The following MTMR14 variants were observed in gnomAD, a reference collection of about 807,000 sequenced individuals.
MTMR14 encodes phosphatidylinositol-3,5-bisphosphate 3-phosphatase MTMR14.
In MTMR14, 48 loss-of-function variants were observed where a neutral mutation model predicts 86.3. The ratio of observed to expected loss-of-function variants is 0.56; its 90% CI spans 0.44 to 0.71. MTMR14 has a LOEUF of 0.71. Ranked by LOEUF, MTMR14 falls within the 30% of genes least tolerant of loss-of-function variation. MTMR14 has a pLI of 0.00. For missense variants in MTMR14, 780 were observed against 834.6 expected (o/e 0.93, Z 0.81); for synonymous variants, 366 against 326.1 (o/e 1.12, Z -1.32).
chr3:9,682,768 T>A (rs1475752545), intron 9 of MTMR14, among the ~76,000 whole-genome samples: 2 of 152,262 alleles, frequency 1.3e-5, no homozygotes. Context: ...TGTGGCCATT[T>A]GGAGACATTG....
chr3:9,653,003 G>A lies in MTMR14; in HGVS notation c.160-618G>A, dbSNP rs142593628. ...TGTAATCCCAGCACTTGGGGAGGCC[G>A]AGGTGGGCGGGTCACCTGAGGTCAG... is the stretch of plus-strand genomic sequence containing the variant. On this transcript the variant is annotated intron_variant, in intron 1 of 18. Transcript: ENST00000296003. Among the ~76,000 whole-genome samples, 863 of 152,268 alleles carry A rather than the reference G, an allele frequency of 5.7e-3. 8 individuals are homozygous for A. Among genetic ancestry groups the A allele is most frequent in the African/African-American group, 0.019 (776 of 41,534 alleles).
At chr3:9,662,126 T>C in intron 2 of MTMR14, 141 bp from the exon 3 acceptor site, 2 of 690,652 alleles carry the variant, frequency 2.9e-6, no homozygotes. Context: ...TGATAGATGA[T>C]ATAAAATTTA....
rs1349159012 is a variant in MTMR14, at chr3:9,649,518, G to T, written c.-66G>T. Reference sequence around the variant, plus strand: ...AGGCGGTTCCGGAGGTTCTAGTGTCGGAGTTGGGTGCAGGCAGGTGCCATG... The same window carrying T: ...AGGCGGTTCCGGAGGTTCTAGTGTCTGAGTTGGGTGCAGGCAGGTGCCATG... On this transcript the variant is annotated 5_prime_UTR_variant, in exon 1 of 19. Coordinates refer to ENST00000296003, the MANE Select transcript of MTMR14 (RefSeq NM_001077525.3). The T allele has an allele frequency of 6.7e-7, 1 of 1,487,084 alleles. No individual in the cohort carries two copies. The highest frequency in any genetic ancestry group is 2.4e-5 in the Admixed American group (1 of 42,060). 92.1% of individuals were successfully genotyped at this position (1,487,084 alleles called of 1,614,324 possible).
intron 5 of MTMR14, 83 bp from the exon 6 acceptor site, chr3:9,670,965 A>G (rs755860940): frequency 1.3e-5 from 20 of 1,574,616 alleles, no homozygotes; most frequent in Non-Finnish European, 1.6e-5. Context: ...AGTGACATCC[A>G]TACTTCCCTG....
intron 7 of MTMR14, chr3:9,675,635 C>T (rs73811561): frequency 0.014 from 6,266 of 457,386 alleles, 228 homozygotes; most frequent in African/African-American, 0.089. Context: ...TTTGGTCCCT[C>T]TCCTCTTGCC....
chr3:9,702,038 C>T lies in MTMR14; in HGVS notation c.*65C>T, dbSNP rs2076476855. On this transcript the variant is annotated 3_prime_UTR_variant, in exon 19 of 19. Coordinates refer to ENST00000296003, the MANE Select transcript of MTMR14 (RefSeq NM_001077525.3). ...TGAGCCCTTAGCAGAGAATCAAAGCCATGCCTGGCCGAAGGGGTACTTCCA... is the reference window on the plus strand; with the variant it reads ...TGAGCCCTTAGCAGAGAATCAAAGCTATGCCTGGCCGAAGGGGTACTTCCA... 3.1e-6 allele frequency: 5 copies of T among 1,601,902 alleles called. No homozygotes were observed. The highest frequency in any genetic ancestry group is 2.2e-5 in the South Asian group (2 of 90,632).
intron 2 of MTMR14, among the ~76,000 whole-genome samples, chr3:9,654,431 C>T (rs2047479873): frequency 6.6e-6 from 1 of 152,152 alleles, no homozygotes; most frequent in East Asian, 1.9e-4. Flanking sequence ...ACCTGAGTAC[C>T]TTATGTGGGT....
At position 9,652,958 on chromosome 3, in the gene MTMR14, C is replaced by T. The variant is rs747020580; in HGVS notation, c.160-663C>T. ...CTGTGTCTTTTAAAAAAATAAAGGC[C>T]GGGTGCCGTGGCTCACGCCTGTAAT... On this transcript the variant is annotated intron_variant, in intron 1 of 18. Transcript: ENST00000296003. Among the ~76,000 whole-genome samples the T allele has an allele frequency of 9.7e-4, 147 of 151,882 alleles. 1 individual carries two copies. The highest frequency in any genetic ancestry group is 4.3e-4 in the Non-Finnish European group (29 of 67,964).
In MTMR14 at chr3:9,696,227, C is replaced by G. The variant is rs145202976; in HGVS notation, c.1614-1484C>G. Among the ~76,000 whole-genome samples the G allele has an allele frequency of 7.8e-3, 1,182 of 152,318 alleles. 16 individuals are homozygous for G. The highest frequency in any genetic ancestry group is 0.026 in the African/African-American group (1,095 of 41,568). On this transcript the variant is annotated intron_variant, in intron 17 of 18. Coordinates refer to ENST00000296003, the MANE Select transcript of MTMR14 (RefSeq NM_001077525.3). ...AAAAATCTCTTCTCAGCCGGGCGCACTGGCTCACGCCTGTAATCCCAGCAC... is the reference window on the plus strand; with the variant it reads ...AAAAATCTCTTCTCAGCCGGGCGCAGTGGCTCACGCCTGTAATCCCAGCAC...
intron 7 of MTMR14, among the ~76,000 whole-genome samples, chr3:9,674,168 G>A (rs546577711): frequency 2.0e-5 from 3 of 152,280 alleles, no homozygotes; most frequent in Admixed American, 6.5e-5. Context: ...GCATCACTTC[G>A]TTTAAATTTA....
chr3:9,670,428 G>A (rs1343039646), intron 5 of MTMR14, among the ~76,000 whole-genome samples: 1 of 152,202 alleles, frequency 6.6e-6, no homozygotes, highest in Non-Finnish European at 1.5e-5. Flanking sequence ...AAAAGTAATG[G>A]CGACTGTTTA....
At chr3:9,696,035 T>C (rs1415974784) in intron 17 of MTMR14, among the ~76,000 whole-genome samples, 3 of 152,232 alleles carry the variant, frequency 2.0e-5, no homozygotes, top group Non-Finnish European at 2.9e-5. Context: ...TCATCCCTAA[T>C]GCTGCCATCA....
chr3:9,677,212 G>A lies in MTMR14; in HGVS notation c.752-105G>A. 2.1e-6 allele frequency: 2 copies of A among 968,542 alleles called. No individual in the cohort carries two copies. Among genetic ancestry groups the A allele is most frequent in the Non-Finnish European group, 3.3e-6 (2 of 613,916 alleles). 60.0% of individuals were successfully genotyped at this position (968,542 alleles called of 1,614,324 possible). A position where few individuals can be genotyped will look rare whatever the true frequency, so the allele number is the denominator to read the frequency against. On this transcript the variant is annotated intron_variant, in intron 7 of 18. Coordinates refer to ENST00000296003, the MANE Select transcript of MTMR14 (RefSeq NM_001077525.3). This position sits in a 1 kb window ranked among gnomAD's most constrained non-coding sequence, Gnocchi z 4.2. ...CACTAGCTTGGAGAAGTGTGAGTTG[G>A]CGGCCCCCTCTCCACAGCACTCAGG...
At chr3:9,671,479 A>G (rs2048563701) in intron 6 of MTMR14, among the ~76,000 whole-genome samples, 1 of 151,830 alleles carries the variant, frequency 6.6e-6, no homozygotes, top group Non-Finnish European at 1.5e-5. Context: ...TTCCAGCTCC[A>G]TGTTCTATGC....
chr3:9,669,159 T>C (rs1574982244), intron 4 of MTMR14, among the ~76,000 whole-genome samples: 2 of 148,168 alleles, frequency 1.3e-5, no homozygotes, highest in South Asian at 4.3e-4. Context: ...AAAAAAAGAA[T>C]AGCCACCCAT....
chr3:9,692,083 A>G (rs2076154909), intron 17 of MTMR14, among the ~76,000 whole-genome samples: 1 of 152,168 alleles, frequency 6.6e-6, no homozygotes, highest in South Asian at 2.1e-4. Context: ...TGCCTAAGGG[A>G]TCCTGTCATT....
intron 15 of MTMR14, 26 bp downstream of exon 15, chr3:9,688,780 C>A (rs2125314057): frequency 7.4e-6 from 12 of 1,613,854 alleles, no homozygotes; most frequent in Non-Finnish European, 1.0e-5. Context: ...CAACAGACTT[C>A]CCTTCCTCCA....
At chr3:9,667,546 C>T (rs1247505289) in intron 3 of MTMR14, among the ~76,000 whole-genome samples, 1 of 152,122 alleles carries the variant, frequency 6.6e-6, no homozygotes, top group Non-Finnish European at 1.5e-5. Flanking sequence ...CTACTTAAGC[C>T]AGCAGGAATG....
chr3:9,692,114 A>G lies in MTMR14; in HGVS notation c.1613+1971A>G, dbSNP rs1198792757. Reference sequence around the variant, plus strand: ...TCATTACCCTCCCTGCTTCTTAGGTAACAATAGCCTGTGAGGTCTTTAATG... The same window carrying G: ...TCATTACCCTCCCTGCTTCTTAGGTGACAATAGCCTGTGAGGTCTTTAATG... On this transcript the variant is annotated intron_variant, in intron 17 of 18. Transcript: ENST00000296003. Among the ~76,000 whole-genome samples, 4 of 152,240 alleles carry G rather than the reference A, an allele frequency of 2.6e-5. No homozygotes were observed. In the East Asian group the frequency reaches 7.7e-4, roughly 29 times the overall value.
Sources: gnomAD v4.1 joint callset for allele counts (sites outside exome capture counted in the v4.1 genomes callset) on GRCh38, gnomAD v4.1.1 for gene constraint, Gnocchi (gnomAD v3.1) non-coding constraint, MANE v1.5 for transcripts, NCBI Gene and HGNC (gene_info 2026-07-23, HGNC 2026-07-21) for gene names.